Variants in ODF2 observed in about 807,000 individuals in gnomAD.
The protein encoded by ODF2 is outer dense fiber protein 2.
A neutral mutation model predicts 110.2 loss-of-function variants in ODF2; 47 were observed. That is an observed-to-expected ratio of 0.43 (90% confidence interval 0.34 to 0.54). The LOEUF is 0.54. ODF2 is among the 20% of genes least tolerant of loss of function. ODF2 has a pLI of 0.03. For missense variants in ODF2, 812 were observed against 1,054.5 expected (o/e 0.77, Z 3.19); for synonymous variants, 352 against 397.7 (o/e 0.89, Z 1.37).
chr9:128,461,273 A>G (rs1424850299), intron 4 of ODF2: 6 of 604,878 alleles, frequency 9.9e-6, no homozygotes, highest in Non-Finnish European at 1.4e-5. Context: ...GTCCAAAGGC[A>G]GAGATGAGGA....
rs534953835 is a variant in ODF2, at chr9:128,477,788, G to A, written c.844-3792G>A. Among the ~76,000 whole-genome samples the A allele has an allele frequency of 5.5e-4, 84 of 151,468 alleles. 1 individual carries two copies. The South Asian group carries it at 0.016, about 29-fold the overall frequency. On this transcript the variant is annotated intron_variant, in intron 8 of 20. Coordinates refer to ENST00000604420, the Ensembl canonical transcript of ODF2. The stretch of plus-strand genomic sequence containing the variant: ...TAATTTTTGTATTTTTAGTTGAGAC[G>A]GGGTTTCACCATGTTGTCCAGCCTG...
chr9:128,482,959 G>A (rs1412874398), intron 10 of ODF2, 72 bp downstream of exon 10: 24 of 1,194,980 alleles, frequency 2.0e-5, no homozygotes, highest in East Asian at 1.7e-4. Context: ...GCAATGGCGC[G>A]ATCTCAGCTC....
At chr9:128,457,319 G>A (rs994857646) in exon 2 of ODF2, 4 of 1,609,858 alleles carry the variant, frequency 2.5e-6, no homozygotes, top group Non-Finnish European at 3.4e-6. Flanking sequence ...CCCCTTGAGA[G>A]GCTCATTGAC....
Position 128,485,351 on chromosome 9 carries a change from T to A in ODF2, c.1291-14T>A, listed in dbSNP as rs373330605. On this transcript the variant is annotated splice_polypyrimidine_tract_variant and intron_variant, in intron 12 of 20. Coordinates refer to ENST00000604420, the Ensembl canonical transcript of ODF2. This position sits in a 1 kb window ranked among gnomAD's most constrained non-coding sequence, Gnocchi z 5.0. ...GACACTAGGCTAACAGGCCCTTTTGTCCCGTGTTCCCAGGATCTTTATGTC... is the reference window on the plus strand; with the variant it reads ...GACACTAGGCTAACAGGCCCTTTTGACCCGTGTTCCCAGGATCTTTATGTC... 5.4e-6 allele frequency: 8 copies of A among 1,482,926 alleles called. No homozygotes were observed. Among genetic ancestry groups the A allele is most frequent in the African/African-American group, 2.8e-5 (2 of 72,250 alleles). 91.9% of individuals were successfully genotyped at this position (1,482,926 alleles called of 1,614,324 possible).
intron 8 of ODF2, among the ~76,000 whole-genome samples, 182 bp downstream of exon 8, chr9:128,473,923 G>A (rs1451960667): frequency 6.6e-6 from 1 of 152,144 alleles, no homozygotes; most frequent in Non-Finnish European, 1.5e-5. Flanking sequence ...CTTAGATGCC[G>A]TTGAATCCAA....
intron 16 of ODF2, among the ~76,000 whole-genome samples, chr9:128,493,781 G>T (rs879844457): frequency 1.6e-4 from 25 of 152,096 alleles, no homozygotes; most frequent in Non-Finnish European, 3.1e-4. Flanking sequence ...GGGCTTTAGA[G>T]TTAGACTTTT....
At chr9:128,482,973 G>A (rs1842702966) in intron 10 of ODF2, 86 bp downstream of exon 10, 1 of 1,007,228 alleles carries the variant, frequency 9.9e-7, no homozygotes, top group Non-Finnish European at 1.5e-6. Flanking sequence ...TCAGCTCGCT[G>A]CAACCTCTGC....
At chr9:128,481,329 A>C (rs1259421328) in intron 8 of ODF2, among the ~76,000 whole-genome samples, 3 of 151,906 alleles carry the variant, frequency 2.0e-5, no homozygotes, top group Non-Finnish European at 4.4e-5. Context: ...AATGTTTAAA[A>C]AGTTGGGCAT....
In ODF2 at chr9:128,461,373, G is replaced by A. The variant is rs554717646; in HGVS notation, c.249+306G>A. On this transcript the variant is annotated intron_variant, in intron 4 of 20. Coordinates refer to ENST00000604420, the Ensembl canonical transcript of ODF2. ...ATTCATTCTAGAGGCAGTACTCTTA[G>A]CCTCTCTGCTTTGCTTGTGAGGAGC... 29 of 316,060 alleles carry A rather than the reference G, an allele frequency of 9.2e-5. No individual in the cohort carries two copies. In the South Asian group the frequency reaches 1.4e-3, roughly 15 times the overall value. 19.6% of individuals were successfully genotyped at this position (316,060 alleles called of 1,614,324 possible). A position where few individuals can be genotyped will look rare whatever the true frequency, so the allele number is the denominator to read the frequency against.
rs546344727 is a variant in ODF2, at chr9:128,495,921, T to G, written c.1912-120T>G. On this transcript the variant is annotated intron_variant, in intron 17 of 20. Coordinates refer to ENST00000604420, the Ensembl canonical transcript of ODF2. Reference sequence around the variant, plus strand: ...TCTCCTCTAGGTTGTGCGTTGAGACTTGGACACCTGCTGAGGGCACTGTGC... The same window carrying G: ...TCTCCTCTAGGTTGTGCGTTGAGACGTGGACACCTGCTGAGGGCACTGTGC... The G allele has an allele frequency of 4.2e-6, 5 of 1,186,446 alleles. No homozygotes were observed. The Admixed American group carries it at 7.5e-5, about 18-fold the overall frequency. The allele number at this position is 1,186,446 out of a possible 1,614,324, so 73.5% of individuals were successfully genotyped here.
chr9:128,469,392 G>A (rs1839133614), intron 5 of ODF2, 39 bp downstream of exon 5: 16 of 1,602,876 alleles, frequency 1.0e-5, no homozygotes, highest in Non-Finnish European at 1.1e-5. Context: ...ACTACCCTGA[G>A]GATGTGCAGG....
Position 128,485,316 on chromosome 9 carries a change from C to T in ODF2, c.1291-49C>T. 1 of 998,514 alleles carries T rather than the reference C, an allele frequency of 1.0e-6. No homozygotes were observed. The highest frequency in any genetic ancestry group is 1.6e-6 in the Non-Finnish European group (1 of 637,448). 61.9% of individuals were successfully genotyped at this position (998,514 alleles called of 1,614,324 possible). On this transcript the variant is annotated intron_variant, in intron 12 of 20. Transcript: ENST00000604420. This position sits in a 1 kb window ranked among gnomAD's most constrained non-coding sequence, Gnocchi z 5.0. ...TGAGCCCGCTCCCAGCTCCTGGCAG[C>T]CTCACCACTGACACTAGGCTAACAG... is the stretch of plus-strand genomic sequence containing the variant.
intron 13 of ODF2, 101 bp from the exon 14 acceptor site, chr9:128,487,789 A>C (rs1843668563): frequency 1.4e-6 from 2 of 1,381,426 alleles, no homozygotes; most frequent in Middle Eastern, 1.8e-4. Flanking sequence ...TCCGTCTAAA[A>C]AAACAAACAA....
chr9:128,498,747 C>T (rs1278423125), intron 19 of ODF2, among the ~76,000 whole-genome samples, 172 bp downstream of exon 19: 4 of 152,204 alleles, frequency 2.6e-5, no homozygotes, highest in South Asian at 4.1e-4. Flanking sequence ...CTGATGATTG[C>T]TCATTTACTC....
At chr9:128,464,224 C>T (rs1837273474) in intron 4 of ODF2, among the ~76,000 whole-genome samples, 1 of 145,494 alleles carries the variant, frequency 6.9e-6, no homozygotes, top group Non-Finnish European at 1.5e-5. Context: ...GGTGCAATCT[C>T]GGCTCACTAC....
chr9:128,456,358 G>T, intron 1 of ODF2, 103 bp downstream of exon 1: 3 of 1,434,824 alleles, frequency 2.1e-6, no homozygotes, highest in East Asian at 5.7e-5. Flanking sequence ...GGGCCGTCGG[G>T]TCCTGGGTTC....
At chr9:128,472,871 G>C in intron 6 of ODF2, 42 bp from the exon 7 acceptor site, 2 of 1,610,608 alleles carry the variant, frequency 1.2e-6, no homozygotes, top group South Asian at 2.2e-5. Context: ...CTGGGCATGC[G>C]GGGGCCTGGG....
chr9:128,455,341 G>T, upstream of ODF2: 1 of 845,668 alleles, frequency 1.2e-6, no homozygotes, highest in Non-Finnish European at 1.8e-6. Context: ...CATGAGGTCA[G>T]GAGATGGAGA....
intron 8 of ODF2, among the ~76,000 whole-genome samples, chr9:128,481,066 A>G (rs2131966345): frequency 6.6e-6 from 1 of 152,212 alleles, no homozygotes; most frequent in Non-Finnish European, 1.5e-5. Flanking sequence ...TACTCCTCAA[A>G]CTAATAGCAG....
Sources: allele counts gnomAD v4.1 joint callset (sites outside exome capture counted in the v4.1 genomes callset), GRCh38; gene constraint gnomAD v4.1.1; non-coding constraint Gnocchi (gnomAD v3.1); transcripts MANE v1.5; gene names NCBI Gene and HGNC (gene_info 2026-07-23, HGNC 2026-07-21).